CREM: variants seen among roughly 807,000 people sequenced by gnomAD.
CREM encodes cAMP responsive element modulator, also known as cAMP-responsive element modulator.
CREM carries 13 observed loss-of-function variants against 37.3 expected under a neutral mutation model. The observed-to-expected ratio is 0.35, with a 90% confidence interval of 0.23 to 0.55. The LOEUF (loss-of-function observed/expected upper bound fraction) is 0.55. Ranked by LOEUF, CREM falls within the 20% of genes least tolerant of loss-of-function variation. CREM has a pLI of 0.88. For synonymous variants in CREM, 124 were observed against 120.2 expected (o/e 1.03, Z -0.21); for missense variants, 296 against 362.3 (o/e 0.82, Z 1.49).
intron 3 of CREM, among the ~76,000 whole-genome samples, chr10:35,153,570 G>A (rs2092720772): frequency 6.6e-6 from 1 of 152,146 alleles, no homozygotes; most frequent in Non-Finnish European, 1.5e-5. Context: ...ACACTGCCAT[G>A]AAGACCTAGG....
chr10:35,190,078 T>A (rs1180753008), intron 6 of CREM, among the ~76,000 whole-genome samples: 2 of 152,332 alleles, frequency 1.3e-5, no homozygotes, highest in African/African-American at 4.8e-5. Context: ...TCTAGGTGAA[T>A]AATCTTAAAG....
In CREM at chr10:35,212,398, T is replaced by C; in HGVS notation, c.*1000T>C. 6.6e-6 allele frequency: 1 copy of C among 152,592 alleles called. No homozygotes were observed. The highest frequency in any genetic ancestry group is 1.9e-4 in the East Asian group (1 of 5,342). The allele number at this position is 152,592 out of a possible 1,614,324, so 9.5% of individuals were successfully genotyped here. A position where few individuals can be genotyped will look rare whatever the true frequency, so the allele number is the denominator to read the frequency against. The stretch of plus-strand genomic sequence containing the variant: ...GGTTGCACTTTGTAGTGTTTGGTGC[T>C]CATTTAAATATCTGAACATTTACTA... On this transcript the variant is annotated 3_prime_UTR_variant, in exon 8 of 8. Coordinates refer to ENST00000685392, the MANE Select transcript of CREM (RefSeq NM_183011.2).
rs555353555 is a variant in CREM at position 35,188,777 on chromosome 10, C to T, written c.598+389C>T. The stretch of plus-strand genomic sequence containing the variant: ...GGTTCAAGTGATTCTTCTGCCTCAG[C>T]TTCCCGGGGAGCTGGGATTACAGGC... On this transcript the variant is annotated intron_variant, in intron 6 of 7. Transcript: ENST00000685392. 1.4e-4 allele frequency among the ~76,000 whole-genome samples: 21 copies of T among 151,764 alleles called. No homozygotes were observed. In the East Asian group the frequency reaches 2.3e-3, roughly 17 times the overall value.
chr10:35,159,941 A>G (rs1457128105), intron 3 of CREM, among the ~76,000 whole-genome samples: 1 of 152,244 alleles, frequency 6.6e-6, no homozygotes, highest in Non-Finnish European at 1.5e-5. Context: ...AGACATAAAA[A>G]TGGCCAAGTA....
In CREM at chr10:35,211,970, A is replaced by T. The variant is rs1171861119; in HGVS notation, c.*572A>T. 1.2e-5 allele frequency: 7 copies of T among 604,082 alleles called. No homozygotes were observed. Among genetic ancestry groups the T allele is most frequent in the Non-Finnish European group, 1.5e-5 (6 of 394,646 alleles). The allele number at this position is 604,082 out of a possible 1,614,324, so 37.4% of individuals were successfully genotyped here. A position where few individuals can be genotyped will look rare whatever the true frequency, so the allele number is the denominator to read the frequency against. On this transcript the variant is annotated 3_prime_UTR_variant, in exon 8 of 8. Coordinates refer to ENST00000685392, the MANE Select transcript of CREM (RefSeq NM_183011.2). ...TGTACGTAGTTAAGTCGTAGCTATA[A>T]CTTCAAATTTTTTAAAAGAGACAAA... is the stretch of plus-strand genomic sequence containing the variant.
chr10:35,183,378 A>G (rs2094432854), intron 5 of CREM, among the ~76,000 whole-genome samples: 1 of 152,218 alleles, frequency 6.6e-6, no homozygotes, highest in Non-Finnish European at 1.5e-5. Context: ...AGGCTTACAC[A>G]TTCGAAAGTT....
chr10:35,206,227 G>C (rs1193051321), intron 6 of CREM, among the ~76,000 whole-genome samples: 1 of 150,608 alleles, frequency 6.6e-6, no homozygotes. Flanking sequence ...CAGCCTGGGC[G>C]ACAGAGCGAG....
chr10:35,170,018 A>G (rs2093732244), intron 3 of CREM, among the ~76,000 whole-genome samples: 1 of 145,160 alleles, frequency 6.9e-6, no homozygotes, highest in African/African-American at 2.5e-5. Flanking sequence ...GCTGGAGTGC[A>G]GTGGCATGAT....
chr10:35,150,467 T>G (rs1260375238), intron 3 of CREM, among the ~76,000 whole-genome samples: 1 of 152,174 alleles, frequency 6.6e-6, no homozygotes, highest in Non-Finnish European at 1.5e-5. Context: ...AATATGGTAA[T>G]TTGCAATTCT....
intron 3 of CREM, among the ~76,000 whole-genome samples, chr10:35,176,873 A>G (rs1474859725): frequency 1.3e-5 from 2 of 152,188 alleles, no homozygotes; most frequent in Non-Finnish European, 2.9e-5. Flanking sequence ...TTTTGTAGAT[A>G]TGATTATTAT....
At position 35,165,056 on chromosome 10, in the gene CREM, C is replaced by CAA. The variant is rs60898349; in HGVS notation, c.169-13812_169-13811dup. Among the ~76,000 whole-genome samples the CAA allele has an allele frequency of 5.6e-3, 421 of 74,836 alleles. 9 individuals carry two copies. Among genetic ancestry groups the CAA allele is most frequent in the African/African-American group, 0.021 (395 of 18,782 alleles). 49.1% of individuals were successfully genotyped at this position (74,836 alleles called of 152,430 possible). A position where few individuals can be genotyped will look rare whatever the true frequency, so the allele number is the denominator to read the frequency against. ...TGGGCCACAGAGCGAGGCTCCATCT[C>CAA]AAAAAAAAAAAAAAAAAAAAAAGAA... On this transcript the variant is annotated intron_variant, in intron 3 of 7. Transcript: ENST00000685392.
chr10:35,211,897 A>C lies in CREM; in HGVS notation c.*499A>C. ...AAGAATGGTGGCTTCTTTTCTTTGT[A>C]TCATTCATCTTCTTCTTTAATCACT... On this transcript the variant is annotated 3_prime_UTR_variant, in exon 8 of 8. Transcript: ENST00000685392. 1 of 1,202,830 alleles carries C rather than the reference A, an allele frequency of 8.3e-7. No individual in the cohort carries two copies. Among genetic ancestry groups the C allele is most frequent in the South Asian group, 2.0e-5 (1 of 50,540 alleles). 74.5% of individuals were successfully genotyped at this position (1,202,830 alleles called of 1,614,324 possible). A position where few individuals can be genotyped will look rare whatever the true frequency, so the allele number is the denominator to read the frequency against.
chr10:35,204,095 T>G (rs1186482439), intron 6 of CREM, among the ~76,000 whole-genome samples: 1 of 152,232 alleles, frequency 6.6e-6, no homozygotes, highest in Non-Finnish European at 1.5e-5. Flanking sequence ...TATGTTATTC[T>G]CTGCTCCACT....
At chr10:35,131,273 A>G (rs1273262973) in intron 1 of CREM, among the ~76,000 whole-genome samples, 2 of 152,246 alleles carry the variant, frequency 1.3e-5, no homozygotes, top group Admixed American at 1.3e-4. Flanking sequence ...TGTGATGCTA[A>G]TATTTTCCCT....
Position 35,148,365 on chromosome 10 carries a change from C to T in CREM, c.45-3C>T, listed in dbSNP as rs1564816089. On this transcript the variant is annotated splice_polypyrimidine_tract_variant and splice_region_variant and intron_variant, in intron 2 of 7. Transcript: ENST00000685392. ...TTTGTCTTCCTTTTTATTGTCTTTTCAGACAAATGACCATGGAAACAGTTG... is the reference window on the plus strand; with the variant it reads ...TTTGTCTTCCTTTTTATTGTCTTTTTAGACAAATGACCATGGAAACAGTTG... The T allele has an allele frequency of 6.2e-7, 1 of 1,607,406 alleles. No individual in the cohort carries two copies. The highest frequency in any genetic ancestry group is 8.5e-7 in the Non-Finnish European group (1 of 1,177,462).
intron 3 of CREM, among the ~76,000 whole-genome samples, chr10:35,165,219 C>T (rs1171869560): frequency 6.6e-6 from 1 of 152,026 alleles, no homozygotes; most frequent in Non-Finnish European, 1.5e-5. Flanking sequence ...CAAATCATGG[C>T]AGCAGGAGAA....
intron 6 of CREM, among the ~76,000 whole-genome samples, chr10:35,198,700 C>T (rs2095292440): frequency 6.6e-6 from 1 of 152,152 alleles, no homozygotes; most frequent in Non-Finnish European, 1.5e-5. Context: ...ACGTTGCATT[C>T]TGGCTGGATT....
intron 6 of CREM, among the ~76,000 whole-genome samples, chr10:35,189,341 A>G (rs1198595372): frequency 6.6e-6 from 1 of 152,128 alleles, no homozygotes; most frequent in African/African-American, 2.4e-5. Context: ...TGCGTTATAC[A>G]TTATTTTAAT....
At chr10:35,141,244 A>G (rs548400706) in intron 2 of CREM, among the ~76,000 whole-genome samples, 24 of 152,364 alleles carry the variant, frequency 1.6e-4, no homozygotes, top group Non-Finnish European at 3.2e-4. Context: ...TCAATAAATG[A>G]TGGTTATAGT....
Sources: allele counts gnomAD v4.1 joint callset (sites outside exome capture counted in the v4.1 genomes callset), GRCh38; gene constraint gnomAD v4.1.1; transcripts MANE v1.5; gene names NCBI Gene and HGNC (gene_info 2026-07-23, HGNC 2026-07-21).